Variants in KNL1 observed in about 807,000 individuals in gnomAD.
The protein encoded by KNL1 is outer kinetochore KNL1 complex subunit KNL1.
In KNL1, 66 loss-of-function variants were observed where a neutral mutation model predicts 201.3. The ratio of observed to expected loss-of-function variants is 0.33; its 90% confidence interval spans 0.27 to 0.40. The LOEUF is 0.40. KNL1 is among the 10% of genes least tolerant of loss of function. The probability of loss-of-function intolerance (pLI) is 1.00; values close to 1 mark genes in which losing one functional copy is unlikely to be tolerated. For synonymous variants in KNL1, 895 were observed against 899.2 expected, an observed-to-expected ratio of 1.00 and a Z score of 0.08; for missense variants, 2,815 against 2,690.5, an observed-to-expected ratio of 1.05 and a Z score of -1.02.
chr15:40,620,288 C>T (rs986707134), intron 9 of KNL1, among the ~76,000 whole-genome samples: 9 of 151,888 alleles, frequency 5.9e-5, no homozygotes, highest in African/African-American at 2.2e-4. Flanking sequence ...TCGCTGCAAG[C>T]TCCGCCTCCC....
chr15:40,626,170 T>G (rs1892746847), intron 10 of KNL1: 1 of 152,344 alleles, frequency 6.6e-6, no homozygotes, highest in South Asian at 2.1e-4. Flanking sequence ...ATTTTATTTT[T>G]GAGACAGAGT....
At position 40,624,022 on chromosome 15, in the gene KNL1, A is replaced by G; in HGVS notation, c.3758A>G (p.Asp1253Gly). The G allele has an allele frequency of 6.2e-7, 1 of 1,614,006 alleles. No homozygotes were observed. Among genetic ancestry groups the G allele is most frequent in the African/African-American group, 1.3e-5 (1 of 75,050 alleles). ...ATCAAATTTCATAGTGCTGCTATGG[A>G]TGAAAAGGTCATAGGGAAAGTTGTA... ...EIIKFHSAAM[D>G]EKVIGKVVDQ... Residue 1253 changes from aspartate (D) to glycine (G), a missense_variant, in exon 10 of 26, where the codon GAT becomes GGT. By Grantham distance (94) the Asp-to-Gly change is moderately conservative. Coordinates refer to ENST00000399668, the MANE Select transcript of KNL1 (RefSeq NM_144508.5).
At position 40,621,410 on chromosome 15, in the gene KNL1, A is replaced by T; in HGVS notation, c.1146A>T (p.Lys382Asn). The T allele has an allele frequency of 6.2e-7, 1 of 1,613,170 alleles. No individual in the cohort carries two copies. Among genetic ancestry groups the T allele is most frequent in the Non-Finnish European group, 8.5e-7 (1 of 1,179,624 alleles). ...ACCTTTCCATAAACTCTGCAGACAA[A>T]ATACATATTACCAGAAGTCATATTA... Reference protein sequence around the residue: ...FQDLSINSADKIHITRSHIMG... With the variant: ...FQDLSINSADNIHITRSHIMG... The change falls in exon 10 of 26, where the codon AAA (lysine) becomes AAT (asparagine). Residue 382 changes from lysine (K) to asparagine (N), a missense_variant. Around this residue, in one of 3 missense-constraint regions of KNL1, gnomAD observed 2,464 missense variants for 2,291.7 expected, o/e 1.08. Transcript: ENST00000399668.
rs1470164461 is a variant in KNL1, at chr15:40,662,236, A to G, written c.*48A>G. The G allele has an allele frequency of 9.4e-7, 1 of 1,063,300 alleles. No homozygotes were observed. The highest frequency in any genetic ancestry group is 1.5e-6 in the Non-Finnish European group (1 of 683,776). The allele number at this position is 1,063,300 out of a possible 1,614,324, so 65.9% of individuals were successfully genotyped here. On this transcript the variant is annotated 3_prime_UTR_variant, in exon 26 of 26. Coordinates refer to ENST00000399668, the MANE Select transcript of KNL1 (RefSeq NM_144508.5). ...AACCAAGCAGAATGTACTTGATATT[A>G]TTTCAGGGTCCCATTGCTGTTCAGC...
chr15:40,625,633 A>G lies in KNL1; in HGVS notation c.5369A>G (p.Asp1790Gly), dbSNP rs893913335. 1 of 1,610,350 alleles carries G rather than the reference A, an allele frequency of 6.2e-7. No homozygotes were observed. Among genetic ancestry groups the G allele is most frequent in the African/African-American group, 1.3e-5 (1 of 74,680 alleles). The change falls in exon 10 of 26, where the codon GAT (aspartate) becomes GGT (glycine). Residue 1790 changes from aspartate (D) to glycine (G), a missense_variant. By Grantham distance (94) the Asp-to-Gly change is moderately conservative. Coordinates refer to ENST00000399668, the MANE Select transcript of KNL1 (RefSeq NM_144508.5). ...ATTAAGTTTAGTGATACGACACAAGATCGGGAGGTGAGCTCTGTCTTGAAC... is the reference window on the plus strand; with the variant it reads ...ATTAAGTTTAGTGATACGACACAAGGTCGGGAGGTGAGCTCTGTCTTGAAC... ...NEIKFSDTTQ[D>G]REIFDHHTEE...
At chr15:40,607,872 A>G (rs1026548336) in intron 4 of KNL1, among the ~76,000 whole-genome samples, 1 of 152,168 alleles carries the variant, frequency 6.6e-6, no homozygotes, top group Non-Finnish European at 1.5e-5. Flanking sequence ...TACAGCTGCT[A>G]TGGAAAACAG....
At position 40,618,944 on chromosome 15, in the gene KNL1, C is replaced by T. The variant is rs775532850; in HGVS notation, c.323-15C>T. ...TTATATTTTCTGACTACAGTTTTTT[C>T]TTTTTTCTAAATAGGGATGAACACA... On this transcript the variant is annotated splice_polypyrimidine_tract_variant and intron_variant, in intron 8 of 25. Transcript: ENST00000399668. 4 of 1,573,732 alleles carry T rather than the reference C, an allele frequency of 2.5e-6. No individual in the cohort carries two copies. The highest frequency in any genetic ancestry group is 1.1e-5 in the South Asian group (1 of 87,258).
Position 40,621,630 on chromosome 15 carries a change from G to T in KNL1, c.1366G>T (p.Asp456Tyr). 1 of 1,612,540 alleles carries T rather than the reference G, an allele frequency of 6.2e-7. No homozygotes were observed. The highest frequency in any genetic ancestry group is 1.1e-5 in the South Asian group (1 of 90,888). The change falls in exon 10 of 26, where the codon GAC becomes TAC. Residue 456 changes from aspartate (D) to tyrosine (Y), a missense_variant. By Grantham distance (160) the Asp-to-Tyr change is radical. Around this residue, in one of 3 missense-constraint regions of KNL1, gnomAD observed 2,464 missense variants for 2,291.7 expected, o/e 1.08. Transcript: ENST00000399668. ...MREEKNLLKHDSNYAKMYCNP... is the reference protein window; with the variant it reads ...MREEKNLLKHYSNYAKMYCNP... The stretch of plus-strand genomic sequence containing the variant: ...AGAGGAGAAAAATTTGCTAAAGCAT[G>T]ACAGTAATTATGCTAAAATGTATTG...
rs112545698 is a variant in KNL1 at position 40,616,302 on chromosome 15, T to G, written c.322+924T>G. Among the ~76,000 whole-genome samples, 412 of 151,496 alleles carry G rather than the reference T, an allele frequency of 2.7e-3. 3 individuals carry two copies. The highest frequency in any genetic ancestry group is 9.7e-3 in the African/African-American group (400 of 41,266). Reference sequence around the variant, plus strand: ...CTACACCCAGCTAATTTTTTTTGTATTTTTAGTAGAGACAGGGTTTCTCCA... The same window carrying G: ...CTACACCCAGCTAATTTTTTTTGTAGTTTTAGTAGAGACAGGGTTTCTCCA... On this transcript the variant is annotated intron_variant, in intron 8 of 25. Transcript: ENST00000399668.
At chr15:40,646,814 G>A (rs1306847859) in intron 16 of KNL1, 173 bp from the exon 17 acceptor site, 3 of 379,630 alleles carry the variant, frequency 7.9e-6, no homozygotes, top group East Asian at 5.0e-5. Context: ...CCCAGATGGC[G>A]CCACTGCACT....
chr15:40,605,807 G>A (rs1315011358), intron 3 of KNL1, among the ~76,000 whole-genome samples: 1 of 152,178 alleles, frequency 6.6e-6, no homozygotes, highest in Non-Finnish European at 1.5e-5. Flanking sequence ...CCAACGAAGG[G>A]ATGGCTTTAG....
Position 40,628,617 on chromosome 15 carries a change from G to T in KNL1, c.5522G>T (p.Arg1841Leu), listed in dbSNP as rs201880719. The T allele has an allele frequency of 6.3e-7, 1 of 1,599,312 alleles. No individual in the cohort carries two copies. The highest frequency in any genetic ancestry group is 8.5e-7 in the Non-Finnish European group (1 of 1,170,538). Residue 1841 changes from arginine to leucine, a missense_variant, in exon 12 of 26, where the codon CGC (arginine) becomes CTC (leucine). By Grantham distance (102) the Arg-to-Leu change is moderately radical. This residue lies in a region of KNL1 where 2,464 missense variants were observed against 2,291.7 expected (regional missense o/e 1.08). Transcript: ENST00000399668. ...GAATTTGCTTTACTTCTAGCTTACC[G>T]CAGTAGTCAAATGGAATCACAGTTT... ...DGTSLDFSTYRSSQMESQFLR... is the reference protein window; with the variant it reads ...DGTSLDFSTYLSSQMESQFLR...
rs200856151 is a variant in KNL1, at chr15:40,608,881, G to T, written c.170G>T (p.Arg57Leu). ...SNALRNKKNSRRVSFADTIKV... is the reference protein window; with the variant it reads ...SNALRNKKNSLRVSFADTIKV... ...GCTTTGAGAAATAAGAAAAACTCTCGTCGAGTCAGCTTTGCAGATACTATA... is the reference window on the plus strand; with the variant it reads ...GCTTTGAGAAATAAGAAAAACTCTCTTCGAGTCAGCTTTGCAGATACTATA... The change falls in exon 5 of 26, where the codon CGT becomes CTT. Residue 57 changes from arginine (R) to leucine (L), a missense_variant. Physicochemically the swap from Arg to Leu is moderately radical, Grantham distance 102. This residue lies in a region of KNL1 where 2,464 missense variants were observed against 2,291.7 expected (regional missense o/e 1.08). Transcript: ENST00000399668. The T allele has an allele frequency of 6.2e-7, 1 of 1,611,026 alleles. No homozygotes were observed. The highest frequency in any genetic ancestry group is 8.5e-7 in the Non-Finnish European group (1 of 1,178,200).
Position 40,663,648 on chromosome 15 carries a change from A to C in KNL1, c.*1460A>C. 5.1e-6 allele frequency: 1 copy of C among 195,480 alleles called. No homozygotes were observed. The highest frequency in any genetic ancestry group is 1.1e-5 in the Non-Finnish European group (1 of 93,948). 12.1% of individuals were successfully genotyped at this position (195,480 alleles called of 1,614,324 possible). A position where few individuals can be genotyped will look rare whatever the true frequency, so the allele number is the denominator to read the frequency against. Reference sequence around the variant, plus strand: ...TAGCAGTAATAATAGACTTGCTGTAAGTATTGTTTTCTGATGCCATACCCT... The same window carrying C: ...TAGCAGTAATAATAGACTTGCTGTACGTATTGTTTTCTGATGCCATACCCT... On this transcript the variant is annotated 3_prime_UTR_variant, in exon 26 of 26. Transcript: ENST00000399668.
Position 40,620,778 on chromosome 15 carries a change from G to T in KNL1, c.514G>T (p.Glu172Ter). 1 of 1,613,482 alleles carries T rather than the reference G, an allele frequency of 6.2e-7. No individual in the cohort carries two copies. The highest frequency in any genetic ancestry group is 8.5e-7 in the Non-Finnish European group (1 of 1,179,812). ...TKGLLDNPIS[E>*]KSTKIDTTSF... Reference sequence around the variant, plus strand: ...AGGCCTTTTAGATAATCCCATAAGTGAAAAGTCCACCAAGATAGATACCAC... The same window carrying T: ...AGGCCTTTTAGATAATCCCATAAGTTAAAAGTCCACCAAGATAGATACCAC... Residue 172 changes from glutamate to a stop codon, truncating the protein, a stop_gained, in exon 10 of 26, where the codon GAA becomes TAA. Transcript: ENST00000399668. LOFTEE classifies it high-confidence loss of function.
intron 9 of KNL1, among the ~76,000 whole-genome samples, chr15:40,619,490 C>G (rs894883740): frequency 1.3e-5 from 2 of 152,124 alleles, no homozygotes; most frequent in African/African-American, 4.8e-5. Flanking sequence ...CAGCCTCAAT[C>G]TTCTGGGCTG....
At chr15:40,629,495 C>CTTTTTTTTTTTTTTTTTTTTTTTTTT (rs386382806) in intron 13 of KNL1, 124 bp downstream of exon 13, 1 of 162,462 alleles carries the variant, frequency 6.2e-6, no homozygotes, top group Non-Finnish European at 1.1e-5. Flanking sequence ...TTTGCCTTTT[C>CTTTTTTTTTTTTTTTTTTTTTTTTTT]TTTTTTTTTT....
chr15:40,622,204 A>T lies in KNL1; in HGVS notation c.1940A>T (p.Lys647Met). The change falls in exon 10 of 26, where the codon AAG becomes ATG. Residue 647 changes from lysine to methionine, a missense_variant. Around this residue, in one of 3 missense-constraint regions of KNL1, gnomAD observed 2,464 missense variants for 2,291.7 expected, o/e 1.08. Transcript: ENST00000399668. The stretch of plus-strand genomic sequence containing the variant: ...AACAAAGACAAAGATTGGGTTTTGA[A>T]GATTTTGCCCTACCTTGATAAAGAT... ...TWNKDKDWVL[K>M]ILPYLDKDSP... 1 of 1,614,118 alleles carries T rather than the reference A, an allele frequency of 6.2e-7. No individual in the cohort carries two copies. The highest frequency in any genetic ancestry group is 1.1e-5 in the South Asian group (1 of 91,086).
chr15:40,621,323 T>C lies in KNL1; in HGVS notation c.1059T>C (p.Tyr353=), dbSNP rs911386275. 2 of 1,613,678 alleles carry C rather than the reference T, an allele frequency of 1.2e-6. No homozygotes were observed. The highest frequency in any genetic ancestry group is 1.7e-6 in the Non-Finnish European group (2 of 1,179,868). ...TQNAMDVTTG[Y]GTKASGNKTV... is the part of the protein sequence containing the mutation. ...ATGCCATGGATGTAACAACAGGTTA[T>C]GGAACTAAAGCTTCAGGAAATAAAA... Residue 353 remains tyrosine (Y), a synonymous_variant, in exon 10 of 26, where the codon TAT becomes TAC. Coordinates refer to ENST00000399668, the MANE Select transcript of KNL1 (RefSeq NM_144508.5).
Sources: gnomAD v4.1 joint callset for allele counts (sites outside exome capture counted in the v4.1 genomes callset) on GRCh38, gnomAD v4.1.1 for gene constraint, gnomAD v4.1.1 regional missense constraint, MANE v1.5 for transcripts, NCBI Gene and HGNC (gene_info 2026-07-23, HGNC 2026-07-21) for gene names.